NRXN1: variants seen among roughly 807,000 people sequenced by gnomAD.
NRXN1 encodes the protein neurexin-1.
NRXN1 carries 39 observed loss-of-function variants against 150.9 expected under a neutral mutation model. That is an observed-to-expected ratio of 0.26 (90% CI 0.20 to 0.34). The LOEUF (loss-of-function observed/expected upper bound fraction) is 0.34. NRXN1 is among the 10% of genes least tolerant of loss of function. The pLI is 1.00. For missense variants in NRXN1, 1,815 were observed against 1,949.9 expected (o/e 0.93, Z 1.30); for synonymous variants, 924 against 757.0 (o/e 1.22, Z -3.62).
intron 5 of NRXN1, among the ~76,000 whole-genome samples, chr2:50,775,160 T>C (rs1376218573): frequency 6.6e-6 from 1 of 152,176 alleles, no homozygotes; most frequent in Non-Finnish European, 1.5e-5. Context: ...GAATATCTCC[T>C]ATCCTGCATT....
chr2:50,660,820 A>AAT (rs921338231), intron 5 of NRXN1, among the ~76,000 whole-genome samples: 8 of 151,962 alleles, frequency 5.3e-5, no homozygotes, highest in South Asian at 2.1e-4. Flanking sequence ...ATATCCAACA[A>AAT]ATATATATAT....
intron 21 of NRXN1, among the ~76,000 whole-genome samples, chr2:49,954,658 G>C (rs1449289553): frequency 6.6e-6 from 1 of 152,112 alleles, no homozygotes; most frequent in Admixed American, 6.6e-5. Flanking sequence ...AGGAGTGGTT[G>C]TATTTGTAGT....
intron 17 of NRXN1, among the ~76,000 whole-genome samples, chr2:50,310,239 G>A (rs2075062071): frequency 6.6e-6 from 1 of 152,038 alleles, no homozygotes; most frequent in African/African-American, 2.4e-5. Flanking sequence ...TTCATTTCTT[G>A]GATAAGTTAA....
At chr2:50,990,120 T>A (rs951717663) in intron 2 of NRXN1, among the ~76,000 whole-genome samples, 56 of 152,060 alleles carry the variant, frequency 3.7e-4, no homozygotes, top group Admixed American at 3.5e-3. Flanking sequence ...TAGGGAACTG[T>A]CTGCTAAAAT....
intron 2 of NRXN1, among the ~76,000 whole-genome samples, chr2:50,946,348 T>C (rs956347678): frequency 6.6e-6 from 1 of 152,146 alleles, no homozygotes; most frequent in South Asian, 2.1e-4. Context: ...CAGTGAATTA[T>C]TATAAACTTA....
intron 17 of NRXN1, among the ~76,000 whole-genome samples, chr2:50,453,083 C>T (rs2087153639): frequency 6.6e-6 from 1 of 152,138 alleles, no homozygotes; most frequent in African/African-American, 2.4e-5. Flanking sequence ...CCATGATGTT[C>T]TATTTACAAA....
At chr2:50,818,650 C>A (rs540296641) in intron 5 of NRXN1, among the ~76,000 whole-genome samples, 2 of 151,440 alleles carry the variant, frequency 1.3e-5, no homozygotes, top group East Asian at 3.9e-4. Context: ...ACCAAAAGTA[C>A]AGAAAAGAGG....
chr2:50,278,343 T>TG (rs2070935007), intron 17 of NRXN1, among the ~76,000 whole-genome samples: 1 of 139,546 alleles, frequency 7.2e-6, no homozygotes, highest in South Asian at 2.2e-4. Context: ...TTAGTAGAGA[T>TG]GGGGTTTCAC....
intron 18 of NRXN1, among the ~76,000 whole-genome samples, chr2:50,218,782 T>C (rs189206937): frequency 5.9e-5 from 9 of 152,102 alleles, no homozygotes; most frequent in Admixed American, 3.3e-4. Flanking sequence ...GAAACTTATC[T>C]GAGATAGAAA....
At chr2:50,882,405 AT>A (rs1393907934) in intron 5 of NRXN1, among the ~76,000 whole-genome samples, 5 of 151,894 alleles carry the variant, frequency 3.3e-5, no homozygotes, top group African/African-American at 1.2e-4. Flanking sequence ...CTCGTTTAAA[AT>A]ATTGCTTTCA....
intron 5 of NRXN1, among the ~76,000 whole-genome samples, chr2:50,802,271 C>A (rs1291818125): frequency 1.3e-5 from 2 of 152,084 alleles, no homozygotes; most frequent in Non-Finnish European, 2.9e-5. Flanking sequence ...GCAGGGGGAT[C>A]ACCTGAGGTC....
intron 2 of NRXN1, among the ~76,000 whole-genome samples, chr2:51,006,718 A>C (rs767698417): frequency 6.6e-6 from 1 of 151,914 alleles, no homozygotes; most frequent in Non-Finnish European, 1.5e-5. Context: ...ACCACTTTTC[A>C]ACATCTTGCC....
rs540194340 is a variant in NRXN1 at position 50,446,115 on chromosome 2, G to A, written c.3364+19327C>T. On this transcript the variant is annotated intron_variant, in intron 17 of 22. Coordinates refer to ENST00000401669, the MANE Select transcript of NRXN1 (RefSeq NM_001330078.2). Reference sequence around the variant, plus strand: ...TAAAGCACATAAGGTAACTTTGTGTGAACTGGAAAAAAAAGAAAAAAAAAA... The same window carrying A: ...TAAAGCACATAAGGTAACTTTGTGTAAACTGGAAAAAAAAGAAAAAAAAAA... 3.3e-5 allele frequency among the ~76,000 whole-genome samples: 5 copies of A among 149,604 alleles called. No homozygotes were observed. The South Asian group carries it at 1.1e-3, about 32-fold the overall frequency.
At chr2:49,923,457 GAACA>G (rs1668564605) in intron 22 of NRXN1, among the ~76,000 whole-genome samples, 1 of 152,034 alleles carries the variant, frequency 6.6e-6, no homozygotes, top group African/African-American at 2.4e-5. Flanking sequence ...TATGTATAAT[GAACA>G]AATAATCTCA....
intron 1 of NRXN1, among the ~76,000 whole-genome samples, chr2:51,031,566 T>C (rs1172282901): frequency 6.6e-6 from 1 of 152,126 alleles, no homozygotes; most frequent in Non-Finnish European, 1.5e-5. Flanking sequence ...TCTCTCTGGC[T>C]TTCCCGCCCA....
intron 7 of NRXN1, chr2:50,620,992 C>T (rs567588739): frequency 3.1e-5 from 14 of 455,038 alleles, no homozygotes; most frequent in East Asian, 1.4e-4. Flanking sequence ...ACGTTCGAAA[C>T]GTTAACGATG....
intron 21 of NRXN1, among the ~76,000 whole-genome samples, chr2:49,999,523 T>C (rs1427293377): frequency 1.3e-5 from 2 of 152,196 alleles, no homozygotes; most frequent in Non-Finnish European, 2.9e-5. Context: ...ACTGTAGCAA[T>C]TGAAAGCTAT....
chr2:50,931,469 TATG>T (rs1687735608), intron 2 of NRXN1, among the ~76,000 whole-genome samples: 1 of 152,126 alleles, frequency 6.6e-6, no homozygotes, highest in Non-Finnish European at 1.5e-5. Flanking sequence ...AAATTATTTA[TATG>T]ATATGACCGA....
intron 5 of NRXN1, among the ~76,000 whole-genome samples, chr2:50,650,754 A>G (rs1398148812): frequency 6.6e-6 from 1 of 152,082 alleles, no homozygotes; most frequent in Non-Finnish European, 1.5e-5. Context: ...TCAGTCTCTC[A>G]TAGCCTATTT....
Sources: allele counts gnomAD v4.1 joint callset (sites outside exome capture counted in the v4.1 genomes callset), GRCh38; gene constraint gnomAD v4.1.1; transcripts MANE v1.5; gene names NCBI Gene and HGNC (gene_info 2026-07-23, HGNC 2026-07-21).